The following LOC128125817 variants were observed in gnomAD, a reference collection of about 807,000 sequenced individuals.
At chr1:41,617,029 C>G in the LOC128125817 span, among the ~76,000 whole-genome samples, 3 of 152,300 alleles carry the variant, frequency 2.0e-5, no homozygotes, top group Admixed American at 1.3e-4. Context: ...GATTTGAACC[C>G]TGGCTGTCTG....
the LOC128125817 span, among the ~76,000 whole-genome samples, chr1:41,623,929 C>T: frequency 6.6e-6 from 1 of 152,188 alleles, no homozygotes; most frequent in Non-Finnish European, 1.5e-5. Flanking sequence ...TCCCCACCCC[C>T]ACTTCTCTGC....
At chr1:41,603,054 T>C in the LOC128125817 span, among the ~76,000 whole-genome samples, 1 of 151,962 alleles carries the variant, frequency 6.6e-6, no homozygotes, top group East Asian at 1.9e-4. Context: ...TCCATTTCTA[T>C]TTATTTATTT....
the LOC128125817 span, chr1:41,585,415 G>A: frequency 5.0e-6 from 2 of 398,368 alleles, no homozygotes; most frequent in Admixed American, 4.4e-5. Flanking sequence ...CCCAGACTCG[G>A]TGCCACACCT....
chr1:41,626,409 C>T, the LOC128125817 span, among the ~76,000 whole-genome samples: 1 of 152,192 alleles, frequency 6.6e-6, no homozygotes, highest in African/African-American at 2.4e-5. Flanking sequence ...ACTGACAGCT[C>T]ATTTCCCTCT....
chr1:41,600,607 A>C, the LOC128125817 span, among the ~76,000 whole-genome samples: 1 of 152,230 alleles, frequency 6.6e-6, no homozygotes, highest in Non-Finnish European at 1.5e-5. Flanking sequence ...TCAGAATGAA[A>C]AGTAATCTAG....
the LOC128125817 span, chr1:41,628,705 A>G: frequency 8.3e-7 from 1 of 1,208,344 alleles, no homozygotes; most frequent in East Asian, 3.2e-5. Flanking sequence ...ACAGACCAAC[A>G]TGGCGCCTGG....
At chr1:41,620,506 A>G in the LOC128125817 span, among the ~76,000 whole-genome samples, 2 of 151,934 alleles carry the variant, frequency 1.3e-5, no homozygotes, top group Non-Finnish European at 1.5e-5. Context: ...TTTTCTTCCT[A>G]GATGCCTGTA....
At chr1:41,600,770 A>G in the LOC128125817 span, among the ~76,000 whole-genome samples, 2 of 152,184 alleles carry the variant, frequency 1.3e-5, no homozygotes, top group African/African-American at 4.8e-5. Context: ...GTCAATAAGA[A>G]TATGTCATGA....
At chr1:41,617,625 G>C in the LOC128125817 span, among the ~76,000 whole-genome samples, 79 of 152,212 alleles carry the variant, frequency 5.2e-4, 1 homozygote, top group Admixed American at 2.0e-4. Context: ...ACACAGAGAG[G>C]GACATTGACA....
chr1:41,611,021 G>A, the LOC128125817 span, among the ~76,000 whole-genome samples: 1 of 150,880 alleles, frequency 6.6e-6, no homozygotes, highest in Non-Finnish European at 1.5e-5. Flanking sequence ...CATTCAACCA[G>A]GTGAACTCTG....
chr1:41,616,438 C>T, the LOC128125817 span, among the ~76,000 whole-genome samples: 4 of 152,252 alleles, frequency 2.6e-5, no homozygotes, highest in South Asian at 2.1e-4. Context: ...CTAAGAGGGA[C>T]GCACAGAGTC....
chr1:41,596,075 A>G, the LOC128125817 span, among the ~76,000 whole-genome samples: 1 of 152,218 alleles, frequency 6.6e-6, no homozygotes, highest in African/African-American at 2.4e-5. Context: ...GGCTCCAGGC[A>G]GGAGCCCCAC....
At chr1:41,620,023 G>T in the LOC128125817 span, among the ~76,000 whole-genome samples, 2 of 152,180 alleles carry the variant, frequency 1.3e-5, no homozygotes, top group East Asian at 3.9e-4. Context: ...GGGGGCTGCA[G>T]CTGAGTTCCT....
chr1:41,609,978 C>T, the LOC128125817 span, among the ~76,000 whole-genome samples: 3 of 152,350 alleles, frequency 2.0e-5, no homozygotes, highest in Admixed American at 1.3e-4. Flanking sequence ...TGAGCCTCAT[C>T]CACTCGGTTG....
chr1:41,607,624 T>C, the LOC128125817 span, among the ~76,000 whole-genome samples: 1 of 152,120 alleles, frequency 6.6e-6, no homozygotes, highest in Non-Finnish European at 1.5e-5. Flanking sequence ...TTTTAGGCCT[T>C]CTCTTTCATT....
the LOC128125817 span, among the ~76,000 whole-genome samples, chr1:41,587,318 CAGTCAAAGGCCTCCTGTGACTTGT>C: frequency 6.6e-6 from 1 of 152,190 alleles, no homozygotes; most frequent in South Asian, 2.1e-4. Flanking sequence ...CTCCTATGAG[CAGTCAAAGGCCTCCTGTGACTTGT>C]ACCAAAGCAG....
the LOC128125817 span, among the ~76,000 whole-genome samples, chr1:41,607,888 C>T: frequency 6.6e-6 from 1 of 152,170 alleles, no homozygotes; most frequent in Non-Finnish European, 1.5e-5. Context: ...ATCCACAGCA[C>T]ATGACTTCCA....
the LOC128125817 span, chr1:41,585,423 C>G: frequency 2.5e-6 from 1 of 398,216 alleles, no homozygotes; most frequent in African/African-American, 2.1e-5. Flanking sequence ...CGGTGCCACA[C>G]CTGGCTGAGA....
chr1:41,618,914 C>A, the LOC128125817 span, among the ~76,000 whole-genome samples: 1 of 152,204 alleles, frequency 6.6e-6, no homozygotes, highest in Non-Finnish European at 1.5e-5. Flanking sequence ...GGAATCAGAC[C>A]CCTTCCCATG....
Sources: allele counts gnomAD v4.1 joint callset (sites outside exome capture counted in the v4.1 genomes callset), GRCh38; gene constraint gnomAD v4.1.1; transcripts MANE v1.5.